Variants in ZNF804A observed in about 807,000 individuals in gnomAD.
The protein encoded by ZNF804A is zinc finger protein 804A.
In ZNF804A, 2 loss-of-function variants were observed where a neutral mutation model predicts 16.5. The ratio of observed to expected loss-of-function variants is 0.12; its 90% confidence interval spans 0.05 to 0.38. The LOEUF is 0.38. Ranked by LOEUF, ZNF804A falls within the 10% of genes least tolerant of loss-of-function variation. The pLI is 0.99. For missense variants in ZNF804A, 1,473 were observed against 1,390.7 expected (o/e 1.06, Z -0.94); for synonymous variants, 534 against 489.6 (o/e 1.09, Z -1.20).
chr2:184,654,144 C>T (rs1217026426), intron 1 of ZNF804A, among the ~76,000 whole-genome samples: 1 of 152,196 alleles, frequency 6.6e-6, no homozygotes, highest in Non-Finnish European at 1.5e-5. Context: ...CAGATAAAAA[C>T]AGATACAGCC....
intron 1 of ZNF804A, among the ~76,000 whole-genome samples, chr2:184,609,062 A>G (rs950652502): frequency 6.6e-6 from 1 of 152,242 alleles, no homozygotes; most frequent in Non-Finnish European, 1.5e-5. Context: ...TAGGATATGT[A>G]GAAATATAGA....
intron 1 of ZNF804A, among the ~76,000 whole-genome samples, chr2:184,613,687 G>C (rs751618835): frequency 6.6e-6 from 1 of 152,086 alleles, no homozygotes; most frequent in African/African-American, 2.4e-5. Context: ...AAGAATTGGT[G>C]CTACAAAGAG....
chr2:184,938,131 A>G lies in ZNF804A; in HGVS notation c.2735A>G (p.Asn912Ser), dbSNP rs78816540. 3 of 1,614,028 alleles carry G rather than the reference A, an allele frequency of 1.9e-6. No individual in the cohort carries two copies. The highest frequency in any genetic ancestry group is 2.5e-6 in the Non-Finnish European group (3 of 1,180,040). Residue 912 changes from asparagine to serine, a missense_variant, in exon 4 of 4, where the codon AAT (asparagine) becomes AGT (serine). Asn to Ser is a conservative substitution (Grantham distance 46). Coordinates refer to ENST00000302277, the MANE Select transcript of ZNF804A (RefSeq NM_194250.2). ...TCTGGTGAATTGTCAGATGTTTCCA[A>G]TGATCCCACCACATCTGTCTGTGTA... ...TTSGELSDVS[N>S]DPTTSVCVAS...
intron 1 of ZNF804A, among the ~76,000 whole-genome samples, chr2:184,694,246 G>C (rs944736907): frequency 1.3e-5 from 2 of 151,970 alleles, no homozygotes; most frequent in African/African-American, 2.4e-5. Flanking sequence ...ACTGTGCTAG[G>C]CTTAGTCTTT....
chr2:184,821,101 A>G (rs1695071867), intron 1 of ZNF804A, among the ~76,000 whole-genome samples: 1 of 152,208 alleles, frequency 6.6e-6, no homozygotes, highest in South Asian at 2.1e-4. Context: ...AAGAGCCCAA[A>G]TAGCCAAGAC....
intron 1 of ZNF804A, among the ~76,000 whole-genome samples, chr2:184,859,290 CT>C (rs1024649002): frequency 3.3e-5 from 5 of 151,432 alleles, no homozygotes; most frequent in Non-Finnish European, 5.9e-5. Flanking sequence ...ATCTTTTATT[CT>C]TTTTTTTAAT....
intron 1 of ZNF804A, among the ~76,000 whole-genome samples, chr2:184,766,513 C>T (rs573665282): frequency 6.6e-6 from 1 of 151,386 alleles, no homozygotes; most frequent in South Asian, 2.1e-4. Flanking sequence ...GAATATATAA[C>T]CTTGTCTTTG....
At chr2:184,728,232 A>G (rs537566851) in intron 1 of ZNF804A, among the ~76,000 whole-genome samples, 1 of 151,970 alleles carries the variant, frequency 6.6e-6, no homozygotes, top group East Asian at 1.9e-4. Flanking sequence ...TGAATTCCGA[A>G]TATGAACAGG....
rs1559010117 is a variant in ZNF804A, at chr2:184,938,717, TGC to T, written c.3322_3323del (p.Ala1108SerfsTer15). 6.2e-7 allele frequency: 1 copy of T among 1,611,368 alleles called. No individual in the cohort carries two copies. The highest frequency in any genetic ancestry group is 8.5e-7 in the Non-Finnish European group (1 of 1,178,282). On this transcript the variant is annotated frameshift_variant, in exon 4 of 4. Transcript: ENST00000302277. LOFTEE classifies it low-confidence loss of function (END_TRUNC). ...IHHTVLQQHA[A>X]AAAAAAAAAA... is the part of the protein sequence containing the mutation. The stretch of plus-strand genomic sequence containing the variant: ...ATCACACTGTTTTGCAGCAGCACGC[TGC>T]AGCTGCTGCAGCTGCAGCTGCAGCC...
intron 1 of ZNF804A, among the ~76,000 whole-genome samples, chr2:184,842,506 G>A (rs993099459): frequency 6.6e-6 from 1 of 151,438 alleles, no homozygotes; most frequent in Non-Finnish European, 1.5e-5. Flanking sequence ...TCCTTTTGGA[G>A]CTGGGATTTT....
At chr2:184,740,689 T>G (rs893025654) in intron 1 of ZNF804A, among the ~76,000 whole-genome samples, 17 of 152,306 alleles carry the variant, frequency 1.1e-4, no homozygotes, top group African/African-American at 4.1e-4. Context: ...ATTTAAAATT[T>G]TAGTAACATT....
chr2:184,611,077 C>T (rs891301725), intron 1 of ZNF804A, among the ~76,000 whole-genome samples: 1 of 152,096 alleles, frequency 6.6e-6, no homozygotes, highest in African/African-American at 2.4e-5. Flanking sequence ...GATTAAGGTG[C>T]CAATTTGGTG....
At chr2:184,634,762 C>A (rs956185659) in intron 1 of ZNF804A, among the ~76,000 whole-genome samples, 5 of 152,126 alleles carry the variant, frequency 3.3e-5, no homozygotes, top group Admixed American at 2.6e-4. Flanking sequence ...CAACCTTTGA[C>A]CTCCAGAACT....
intron 1 of ZNF804A, among the ~76,000 whole-genome samples, chr2:184,702,269 C>G (rs2105731756): frequency 6.6e-6 from 1 of 151,958 alleles, no homozygotes; most frequent in South Asian, 2.1e-4. Flanking sequence ...TTTTTTGAGA[C>G]AACTGGAATG....
intron 1 of ZNF804A, among the ~76,000 whole-genome samples, chr2:184,842,489 GGT>G (rs1695452820): frequency 6.6e-6 from 1 of 151,176 alleles, no homozygotes; most frequent in African/African-American, 2.4e-5. Context: ...TCCTCAGCAA[GGT>G]GATTTCCTTT....
At chr2:184,847,795 C>A (rs1162275073) in intron 1 of ZNF804A, among the ~76,000 whole-genome samples, 2 of 152,076 alleles carry the variant, frequency 1.3e-5, no homozygotes, top group East Asian at 3.9e-4. Flanking sequence ...GTTTCTAAGA[C>A]CCCCTCCTCA....
At chr2:184,783,922 A>T (rs1694409659) in intron 1 of ZNF804A, among the ~76,000 whole-genome samples, 1 of 152,032 alleles carries the variant, frequency 6.6e-6, no homozygotes, top group African/African-American at 2.4e-5. Flanking sequence ...GCAATGCCAT[A>T]AAATAATTTT....
At chr2:184,732,868 T>A (rs927550415) in intron 1 of ZNF804A, among the ~76,000 whole-genome samples, 1 of 152,170 alleles carries the variant, frequency 6.6e-6, no homozygotes, top group South Asian at 2.1e-4. Context: ...TTTTCTATAT[T>A]AACCCTGTGT....
intron 1 of ZNF804A, among the ~76,000 whole-genome samples, chr2:184,683,393 C>A (rs899616342): frequency 6.6e-6 from 1 of 152,142 alleles, no homozygotes; most frequent in Admixed American, 6.5e-5. Context: ...GATTACAGTG[C>A]TTTTATATTT....
Sources: gnomAD v4.1 joint callset for allele counts (sites outside exome capture counted in the v4.1 genomes callset) on GRCh38, gnomAD v4.1.1 for gene constraint, MANE v1.5 for transcripts, NCBI Gene and HGNC (gene_info 2026-07-23, HGNC 2026-07-21) for gene names.